Variants in VAV3 observed in about 807,000 individuals in gnomAD.
VAV3 encodes vav guanine nucleotide exchange factor 3.
A neutral mutation model predicts 131.2 loss-of-function variants in VAV3; 94 were observed. That is an observed-to-expected ratio of 0.72 (90% CI 0.61 to 0.85). The LOEUF is 0.85. Ranked by LOEUF, VAV3 falls within the 40% of genes least tolerant of loss-of-function variation. VAV3 has a pLI of 0.00. For missense variants in VAV3, 939 were observed against 1,002.7 expected, an observed-to-expected ratio of 0.94 and a Z score of 0.86; for synonymous variants, 349 against 342.0, an observed-to-expected ratio of 1.02 and a Z score of -0.22.
At chr1:107,630,183 A>G (rs985103459) in intron 20 of VAV3, among the ~76,000 whole-genome samples, 1 of 152,218 alleles carries the variant, frequency 6.6e-6, no homozygotes, top group African/African-American at 2.4e-5. Context: ...TGCATTACCT[A>G]TCCTGAGTTC....
chr1:107,575,548 G>T (rs998517004), intron 25 of VAV3, among the ~76,000 whole-genome samples: 2 of 152,142 alleles, frequency 1.3e-5, no homozygotes, highest in African/African-American at 4.8e-5. Flanking sequence ...TACTGTTCAG[G>T]ACACAAACCA....
intron 20 of VAV3, among the ~76,000 whole-genome samples, chr1:107,629,480 T>C (rs928070401): frequency 2.0e-5 from 3 of 152,196 alleles, no homozygotes; most frequent in African/African-American, 4.8e-5. Context: ...ACGATCAGAA[T>C]TGTCCTGCAT....
chr1:107,657,105 C>T (rs1358841449), intron 19 of VAV3, among the ~76,000 whole-genome samples: 1 of 151,948 alleles, frequency 6.6e-6, no homozygotes, highest in Non-Finnish European at 1.5e-5. Flanking sequence ...CGGGCATGCA[C>T]CACTACACCT....
intron 20 of VAV3, among the ~76,000 whole-genome samples, chr1:107,633,662 A>T (rs780779494): frequency 5.9e-5 from 9 of 152,150 alleles, no homozygotes; most frequent in Admixed American, 3.9e-4. Flanking sequence ...AACCAAAAAA[A>T]AGCGGCAAAA....
chr1:107,711,312 C>T (rs145103574), intron 15 of VAV3, among the ~76,000 whole-genome samples: 161 of 152,270 alleles, frequency 1.1e-3, no homozygotes, highest in Non-Finnish European at 2.0e-3. Flanking sequence ...CTTGAGACCC[C>T]GAGTGCAAAG....
intron 2 of VAV3, among the ~76,000 whole-genome samples, chr1:107,842,962 T>A (rs138155339): frequency 1.2e-4 from 19 of 152,174 alleles, no homozygotes; most frequent in Admixed American, 9.2e-4. Context: ...ACTTTATCTA[T>A]GATGAGAGCA....
chr1:107,773,736 G>A (rs189563021), intron 4 of VAV3, among the ~76,000 whole-genome samples: 83 of 152,222 alleles, frequency 5.5e-4, no homozygotes, highest in African/African-American at 1.8e-3. Flanking sequence ...GGGTTTAGGC[G>A]GCAATCTGGC....
At chr1:107,932,077 T>C (rs748144652) in intron 1 of VAV3, among the ~76,000 whole-genome samples, 1 of 152,230 alleles carries the variant, frequency 6.6e-6, no homozygotes, top group Non-Finnish European at 1.5e-5. Context: ...GCACTGGGCA[T>C]TCCTGGTGCC....
At chr1:107,817,886 T>C (rs1418905287) in intron 2 of VAV3, among the ~76,000 whole-genome samples, 1 of 152,246 alleles carries the variant, frequency 6.6e-6, no homozygotes, top group African/African-American at 2.4e-5. Context: ...TTTACTGCTC[T>C]GAGTTTGCTC....
At chr1:107,779,765 G>T (rs892319940) in intron 2 of VAV3, among the ~76,000 whole-genome samples, 1 of 152,082 alleles carries the variant, frequency 6.6e-6, no homozygotes, top group Non-Finnish European at 1.5e-5. Flanking sequence ...ATAACACAAA[G>T]TTAGCCTGGG....
intron 2 of VAV3, among the ~76,000 whole-genome samples, chr1:107,815,486 AGGC>A (rs1299526959): frequency 6.6e-6 from 1 of 152,154 alleles, no homozygotes; most frequent in Non-Finnish European, 1.5e-5. Flanking sequence ...GCACTGTTCC[AGGC>A]TGCCTGGTTC....
intron 1 of VAV3, among the ~76,000 whole-genome samples, chr1:107,943,773 C>T (rs766895843): frequency 1.3e-5 from 2 of 152,170 alleles, no homozygotes; most frequent in African/African-American, 4.8e-5. Context: ...AACTCTGTGG[C>T]TTTTACAGTT....
intron 25 of VAV3, chr1:107,576,372 TA>T: frequency 6.7e-7 from 1 of 1,484,644 alleles, no homozygotes; most frequent in Admixed American, 2.6e-5. Flanking sequence ...AAGAGACAAA[TA>T]AAAGTAGTAA....
At chr1:107,814,654 T>C (rs1667486195) in intron 2 of VAV3, among the ~76,000 whole-genome samples, 2 of 152,334 alleles carry the variant, frequency 1.3e-5, no homozygotes, top group Non-Finnish European at 2.9e-5. Context: ...TTTCTAGTTT[T>C]GATTTGTTGC....
chr1:107,898,754 T>C (rs1027340955), intron 1 of VAV3, among the ~76,000 whole-genome samples: 7 of 152,156 alleles, frequency 4.6e-5, no homozygotes, highest in African/African-American at 1.4e-4. Flanking sequence ...CCATAAAATA[T>C]GTAAGTAAAA....
In VAV3 at chr1:107,749,453, A is replaced by G. The variant is rs765526823; in HGVS notation, c.1392+9T>C. 1 of 1,585,544 alleles carries G rather than the reference A, an allele frequency of 6.3e-7. No individual in the cohort carries two copies. The highest frequency in any genetic ancestry group is 1.4e-5 in the African/African-American group (1 of 72,770). On this transcript the variant is annotated intron_variant, in intron 14 of 26. Coordinates refer to ENST00000370056, the MANE Select transcript of VAV3 (RefSeq NM_006113.5). Reference sequence around the variant, plus strand: ...AGTAAATTACAGTTATTAGTTTCCAAAAAGTCACCTTTTTGTTTTCTTTAT... The same window carrying G: ...AGTAAATTACAGTTATTAGTTTCCAGAAAGTCACCTTTTTGTTTTCTTTAT...
intron 22 of VAV3, among the ~76,000 whole-genome samples, chr1:107,606,249 T>A (rs1652260115): frequency 6.6e-6 from 1 of 152,180 alleles, no homozygotes; most frequent in African/African-American, 2.4e-5. Flanking sequence ...GAATTCTAGG[T>A]GAGAAATTAT....
intron 20 of VAV3, among the ~76,000 whole-genome samples, chr1:107,633,301 G>A (rs1424701413): frequency 1.3e-5 from 2 of 152,128 alleles, no homozygotes; most frequent in South Asian, 4.1e-4. Flanking sequence ...TCTTTCTAAA[G>A]CTAAATGCCT....
intron 15 of VAV3, among the ~76,000 whole-genome samples, chr1:107,715,028 G>T (rs540674685): frequency 1.4e-3 from 215 of 152,204 alleles, no homozygotes; most frequent in Middle Eastern, 6.8e-3. Context: ...AAGTGGAAAA[G>T]ATGTCAGATT....
Sources: allele counts gnomAD v4.1 joint callset (sites outside exome capture counted in the v4.1 genomes callset), GRCh38; gene constraint gnomAD v4.1.1; transcripts MANE v1.5; gene names NCBI Gene and HGNC (gene_info 2026-07-23, HGNC 2026-07-21).